YPEL1: variants seen among roughly 807,000 people sequenced by gnomAD.
The protein encoded by YPEL1 is yippee like 1.
In YPEL1, 7 loss-of-function variants were observed where a neutral mutation model predicts 17.3. That is an observed-to-expected ratio of 0.40 (90% CI 0.23 to 0.76). The LOEUF (loss-of-function observed/expected upper bound fraction) is 0.76. Ranked by LOEUF, YPEL1 falls within the 30% of genes least tolerant of loss-of-function variation. The probability of loss-of-function intolerance (pLI) is 0.35; values close to 1 mark genes in which losing one functional copy is unlikely to be tolerated. For synonymous variants in YPEL1, 59 were observed against 59.6 expected (o/e 0.99, Z 0.05); for missense variants, 91 against 155.5 (o/e 0.59, Z 2.21).
In YPEL1 at chr22:21,703,710, G is replaced by GGGGA. The variant is rs555944553; in HGVS notation, c.161+128_161+129insTCCC. 2.8e-6 allele frequency: 3 copies of GGGGA among 1,057,124 alleles called. No individual in the cohort carries two copies. The highest frequency in any genetic ancestry group is 3.1e-5 in the South Asian group (2 of 64,204). The allele number at this position is 1,057,124 out of a possible 1,614,324, so 65.5% of individuals were successfully genotyped here. A position where few individuals can be genotyped will look rare whatever the true frequency, so the allele number is the denominator to read the frequency against. ...CCTTAGCGCGTTTCAGAAACTCCCG[G>GGGGA]CGGGGGGATGGTGGGTTCTTTCAGG... On this transcript the variant is annotated intron_variant, in intron 3 of 4. Transcript: ENST00000339468. The surrounding 1 kb of genome is among the most constrained non-coding windows in gnomAD (Gnocchi z 6.1).
At chr22:21,732,521 C>G (rs1211689050) in intron 1 of YPEL1, among the ~76,000 whole-genome samples, 5 of 152,202 alleles carry the variant, frequency 3.3e-5, no homozygotes, top group African/African-American at 1.2e-4. Context: ...GTGGCTCACG[C>G]CTGTAATCCC....
Position 21,709,549 on chromosome 22 carries a change from G to C in YPEL1, c.117+1079C>G, listed in dbSNP as rs547999718. 2.0e-5 allele frequency among the ~76,000 whole-genome samples: 3 copies of C among 152,316 alleles called. No homozygotes were observed. In the East Asian group the frequency reaches 5.8e-4, roughly 29 times the overall value. ...CCAGCACTTTGGGAGGCCAAGGCAG[G>C]AGGATCGCTTGAGGCCAGGAGTACA... On this transcript the variant is annotated intron_variant, in intron 2 of 4. Coordinates refer to ENST00000339468, the MANE Select transcript of YPEL1 (RefSeq NM_013313.5).
At chr22:21,728,783 G>A (rs180867822) in intron 1 of YPEL1, among the ~76,000 whole-genome samples, 26 of 152,278 alleles carry the variant, frequency 1.7e-4, no homozygotes, top group Admixed American at 1.6e-3. Flanking sequence ...CCCAAGGTGG[G>A]TGCATCGCTT....
At chr22:21,724,572 C>CT (rs111485924) in intron 1 of YPEL1, among the ~76,000 whole-genome samples, 14 of 134,610 alleles carry the variant, frequency 1.0e-4, no homozygotes, top group South Asian at 7.1e-4. Flanking sequence ...AAATTTTTTT[C>CT]TTTTTTTTTT....
At chr22:21,714,087 C>G (rs2068197813) in intron 1 of YPEL1, among the ~76,000 whole-genome samples, 1 of 151,690 alleles carries the variant, frequency 6.6e-6, no homozygotes, top group African/African-American at 2.4e-5. Flanking sequence ...AGCAGCCTGT[C>G]CTGTGCCCTT....
chr22:21,704,956 C>T (rs529380399), intron 2 of YPEL1, among the ~76,000 whole-genome samples: 1 of 152,050 alleles, frequency 6.6e-6, no homozygotes, highest in Admixed American at 6.6e-5. Context: ...CAAACCAAAT[C>T]AAAAATTTTG....
chr22:21,705,257 G>A (rs1262409151), intron 2 of YPEL1, among the ~76,000 whole-genome samples: 1 of 152,228 alleles, frequency 6.6e-6, no homozygotes, highest in Non-Finnish European at 1.5e-5. Flanking sequence ...GGGATTGCAG[G>A]CGTGAGCCAC....
At chr22:21,734,529 C>A (rs1313786264) in intron 1 of YPEL1, among the ~76,000 whole-genome samples, 1 of 152,104 alleles carries the variant, frequency 6.6e-6, no homozygotes, top group African/African-American at 2.4e-5. Context: ...TCAATATGGG[C>A]CCAACCCGTA....
chr22:21,716,915 A>G (rs144892763), intron 1 of YPEL1, among the ~76,000 whole-genome samples: 106 of 151,052 alleles, frequency 7.0e-4, no homozygotes, highest in East Asian at 1.6e-3. Flanking sequence ...GAGTATATGT[A>G]ACCAACAGCA....
intron 1 of YPEL1, among the ~76,000 whole-genome samples, chr22:21,728,712 AT>A (rs932704802): frequency 6.6e-6 from 1 of 152,096 alleles, no homozygotes; most frequent in East Asian, 1.9e-4. Context: ...GTTGGCAATG[AT>A]TTTTTTAAAA....
intron 1 of YPEL1, among the ~76,000 whole-genome samples, chr22:21,716,661 T>C: frequency 6.6e-6 from 1 of 152,278 alleles, no homozygotes; most frequent in East Asian, 1.9e-4. Context: ...GAAGGAAGCG[T>C]AAACCTAGTT....
rs748295997 is a variant in YPEL1, at chr22:21,710,653, G to A, written c.92C>T (p.Ala31Val). The change falls in exon 2 of 5, where the codon GCC (alanine) becomes GTC (valine). Residue 31 changes from alanine to valine, a missense_variant. Ala to Val is a moderately conservative substitution (Grantham distance 64, BLOSUM62 0). Coordinates refer to ENST00000339468, the MANE Select transcript of YPEL1 (RefSeq NM_013313.5). ...CTTGGAGATGAGCTCGTCATGATTG[G>A]CCAGGTGTGCTCTGCAGTGGATACA... ...YSCIHCRAHL[A>V]NHDELISKSF... 6.2e-7 allele frequency: 1 copy of A among 1,614,196 alleles called. No individual in the cohort carries two copies. Among genetic ancestry groups the A allele is most frequent in the Admixed American group, 1.7e-5 (1 of 60,022 alleles).
At chr22:21,724,673 C>T (rs1471966950) in intron 1 of YPEL1, among the ~76,000 whole-genome samples, 5 of 151,166 alleles carry the variant, frequency 3.3e-5, no homozygotes, top group African/African-American at 4.9e-5. Context: ...CTCTGCCTTC[C>T]GGGTTCAAGT....
intron 1 of YPEL1, among the ~76,000 whole-genome samples, chr22:21,715,151 G>A (rs746231643): frequency 2.6e-5 from 4 of 152,106 alleles, no homozygotes; most frequent in African/African-American, 9.7e-5. Context: ...GTATGTACAT[G>A]TGCATTAATG....
chr22:21,731,452 G>A (rs1269205659), intron 1 of YPEL1, among the ~76,000 whole-genome samples: 1 of 148,362 alleles, frequency 6.7e-6, no homozygotes, highest in East Asian at 2.0e-4. Flanking sequence ...AAGAGGTTGA[G>A]AATCTTAAAA....
chr22:21,716,085 T>A (rs2068221073), intron 1 of YPEL1, among the ~76,000 whole-genome samples: 1 of 152,012 alleles, frequency 6.6e-6, no homozygotes, highest in Non-Finnish European at 1.5e-5. Context: ...ATTTTTGTAT[T>A]TTTAGTAGAG....
chr22:21,704,976 G>A (rs891356346), intron 2 of YPEL1, among the ~76,000 whole-genome samples: 1 of 152,158 alleles, frequency 6.6e-6, no homozygotes, highest in Admixed American at 6.6e-5. Flanking sequence ...GGGGGGAGTT[G>A]GGGTTTTGAG....
chr22:21,710,542 G>T, intron 2 of YPEL1, 86 bp downstream of exon 2: 1 of 1,164,130 alleles, frequency 8.6e-7, no homozygotes, highest in Non-Finnish European at 1.3e-6. Flanking sequence ...AGGAAGTCAT[G>T]TGATGCTTAA....
intron 2 of YPEL1, among the ~76,000 whole-genome samples, chr22:21,708,211 T>C (rs538479814): frequency 6.6e-5 from 10 of 152,032 alleles, no homozygotes; most frequent in Admixed American, 6.5e-4. Flanking sequence ...CCATCACCCA[T>C]GGAGGCACGA....
Sources: gnomAD v4.1 joint callset for allele counts (sites outside exome capture counted in the v4.1 genomes callset) on GRCh38, gnomAD v4.1.1 for gene constraint, Gnocchi (gnomAD v3.1) non-coding constraint, MANE v1.5 for transcripts, NCBI Gene and HGNC (gene_info 2026-07-23, HGNC 2026-07-21) for gene names.